Variants in UFL1 observed in about 807,000 individuals in gnomAD.
UFL1 encodes E3 UFM1-protein ligase 1.
A neutral mutation model predicts 99.3 loss-of-function variants in UFL1; 78 were observed. The ratio of observed to expected loss-of-function variants is 0.79; its 90% CI spans 0.65 to 0.95. UFL1 has a LOEUF of 0.95. Ranked by LOEUF, UFL1 falls within the 40% of genes least tolerant of loss-of-function variation. The pLI is 0.00. For missense variants in UFL1, 936 were observed against 937.0 expected (o/e 1.00, Z 0.01); for synonymous variants, 335 against 322.2 (o/e 1.04, Z -0.42).
chr6:96,537,114 G>A (rs919936301), intron 8 of UFL1, among the ~76,000 whole-genome samples: 12 of 151,526 alleles, frequency 7.9e-5, no homozygotes, highest in South Asian at 6.2e-4. Context: ...TAATTTAAAC[G>A]TATGGTAGAA....
Position 96,551,871 on chromosome 6 carries a change from G to T in UFL1, c.1933G>T (p.Ala645Ser). 2.5e-6 allele frequency: 4 copies of T among 1,608,740 alleles called. No individual in the cohort carries two copies. The highest frequency in any genetic ancestry group is 3.4e-6 in the Non-Finnish European group (4 of 1,177,008). Residue 645 changes from alanine (A) to serine (S), a missense_variant, in exon 17 of 19, where the codon GCA becomes TCA. By Grantham distance (99) the Ala-to-Ser change is moderately conservative. Transcript: ENST00000369278. ...AGACTTTATTTCTTGTCTGGATTCT[G>T]CAGCAGAAGCTTGTGATATTATGGT... Reference protein sequence around the residue: ...IEDFISCLDSAAEACDIMVKR... With the variant: ...IEDFISCLDSSAEACDIMVKR...
rs577459059 is a variant in UFL1 at position 96,538,647 on chromosome 6, C to G, written c.995C>G (p.Ser332Cys). The change falls in exon 10 of 19, where the codon TCT becomes TGT. Residue 332 changes from serine to cysteine, a missense_variant. Physicochemically the swap from Ser to Cys is moderately radical, Grantham distance 112 (BLOSUM62 -1). Transcript: ENST00000369278. ...WVDIAPLLPTSLSVEDAAILL... is the reference protein window; with the variant it reads ...WVDIAPLLPTCLSVEDAAILL... ...TAATTCTAGCCTCTGCTACCCACTTCTTTATCAGTTGAAGATGCTGCCATA... is the reference window on the plus strand; with the variant it reads ...TAATTCTAGCCTCTGCTACCCACTTGTTTATCAGTTGAAGATGCTGCCATA... The G allele has an allele frequency of 9.9e-6, 16 of 1,610,878 alleles. No individual in the cohort carries two copies. In the East Asian group the frequency reaches 3.1e-4, roughly 31 times the overall value.
chr6:96,527,610 A>G (rs1043692523), intron 5 of UFL1, among the ~76,000 whole-genome samples: 1 of 152,158 alleles, frequency 6.6e-6, no homozygotes, highest in Non-Finnish European at 1.5e-5. Context: ...AGGAGCTGAA[A>G]TTATATTTTA....
intron 3 of UFL1, 57 bp downstream of exon 3, chr6:96,524,467 A>C: frequency 7.3e-7 from 1 of 1,373,052 alleles, no homozygotes; most frequent in Non-Finnish European, 1.0e-6. Flanking sequence ...TGATACTGTG[A>C]ATTTGTTCAA....
intron 5 of UFL1, 144 bp from the exon 6 acceptor site, chr6:96,528,358 A>G (rs1338766861): frequency 6.4e-6 from 6 of 942,836 alleles, no homozygotes; most frequent in South Asian, 4.5e-5. Context: ...TTTAGTTGAT[A>G]TATCTTGTAA....
rs777834765 is a variant in UFL1, at chr6:96,538,652, TCAGTTGAAGATGCTGC to T, written c.1003_1018del (p.Val335TyrfsTer6). ...CTAGCCTCTGCTACCCACTTCTTTA[TCAGTTGAAGATGCTGC>T]CATATTGCTTCAGCAGGTGATGAGG... On this transcript the variant is annotated frameshift_variant, in exon 10 of 19. Transcript: ENST00000369278. LOFTEE classifies it high-confidence loss of function. The T allele has an allele frequency of 4.8e-5, 77 of 1,610,930 alleles. No individual in the cohort carries two copies. Among genetic ancestry groups the T allele is most frequent in the Non-Finnish European group, 6.5e-5 (76 of 1,178,080 alleles).
rs1018995154 is a variant in UFL1, at chr6:96,541,312, A to C, written c.1279+657A>C. On this transcript the variant is annotated intron_variant, in intron 11 of 18. Transcript: ENST00000369278. ...TATAAACATACTAATTAAATGAAAA[A>C]ATTTCTGAAGGACATATTTTTACAT... Among the ~76,000 whole-genome samples, 7 of 151,538 alleles carry C rather than the reference A, an allele frequency of 4.6e-5. 1 individual carries two copies. Among genetic ancestry groups the C allele is most frequent in the African/African-American group, 1.4e-4 (6 of 41,454 alleles).
At chr6:96,528,419 G>GTA in intron 5 of UFL1, 83 bp from the exon 6 acceptor site, 3 of 1,478,160 alleles carry the variant, frequency 2.0e-6, no homozygotes, top group South Asian at 2.7e-5. Flanking sequence ...TCAGCATGCA[G>GTA]CATGACTTGA....
rs758177833 is a variant in UFL1, at chr6:96,542,912, G to A, written c.1298G>A (p.Arg433Lys). The change falls in exon 12 of 19, where the codon AGA (arginine) becomes AAA (lysine). Residue 433 changes from arginine (R) to lysine (K), a missense_variant. Physicochemically the swap from Arg to Lys is conservative, Grantham distance 26. Coordinates refer to ENST00000369278, the MANE Select transcript of UFL1 (RefSeq NM_015323.5). ...RKATEGSGSM[R>K]GGGGGNAREY... ...CCACCAGAGGGCAGTGGAAGCATGAGAGGAGGAGGTGGGGGCAATGCCAGA... is the reference window on the plus strand; with the variant it reads ...CCACCAGAGGGCAGTGGAAGCATGAAAGGAGGAGGTGGGGGCAATGCCAGA... The A allele has an allele frequency of 1.9e-5, 31 of 1,594,880 alleles. No homozygotes were observed. Among genetic ancestry groups the A allele is most frequent in the Admixed American group, 5.3e-5 (3 of 57,054 alleles).
intron 11 of UFL1, among the ~76,000 whole-genome samples, chr6:96,541,877 T>C (rs1167603706): frequency 6.6e-6 from 1 of 151,186 alleles, no homozygotes; most frequent in Non-Finnish European, 1.5e-5. Flanking sequence ...TTGTCAAATA[T>C]AAAAAGCATG....
Position 96,553,341 on chromosome 6 carries a change from T to G in UFL1, c.2223T>G (p.Ser741Arg). Reference protein sequence around the residue: ...YQGLVVKQLVSQSKKTGQGDY... With the variant: ...YQGLVVKQLVRQSKKTGQGDY... ...GTTTGGTTGTAAAGCAGCTAGTCAG[T>G]CAAAGTAAGAAGACTGGGCAGGGAG... is the stretch of plus-strand genomic sequence containing the variant. The change falls in exon 19 of 19, where the codon AGT becomes AGG. Residue 741 changes from serine (S) to arginine (R), a missense_variant. Coordinates refer to ENST00000369278, the MANE Select transcript of UFL1 (RefSeq NM_015323.5). The G allele has an allele frequency of 6.2e-7, 1 of 1,613,796 alleles. No individual in the cohort carries two copies. The highest frequency in any genetic ancestry group is 8.5e-7 in the Non-Finnish European group (1 of 1,179,802).
In UFL1 at chr6:96,549,572, T is replaced by C; in HGVS notation, c.1681T>C (p.Phe561Leu). ...GTTATTTGAAAAAGGGATGAAGTTT[T>C]TTGCAGGTATACTTAATCTTTGTTA... ...IRLFEKGMKF[F>L]ADDTQAALTK... Residue 561 changes from phenylalanine (F) to leucine (L), a missense_variant, in exon 14 of 19, where the codon TTT (phenylalanine) becomes CTT (leucine). Transcript: ENST00000369278. The C allele has an allele frequency of 6.3e-7, 1 of 1,595,446 alleles. No homozygotes were observed. Among genetic ancestry groups the C allele is most frequent in the Non-Finnish European group, 8.5e-7 (1 of 1,173,042 alleles).
intron 1 of UFL1, 28 bp from the exon 2 acceptor site, chr6:96,523,118 T>C (rs1374108079): frequency 1.9e-6 from 3 of 1,577,224 alleles, no homozygotes; most frequent in East Asian, 2.3e-5. Flanking sequence ...AAGTGGACTT[T>C]TGAAACAACT....
At chr6:96,522,974 A>T in intron 1 of UFL1, 172 bp from the exon 2 acceptor site, 1 of 520,578 alleles carries the variant, frequency 1.9e-6, no homozygotes, top group Non-Finnish European at 3.1e-6. Context: ...ACTTACTCTG[A>T]AAGGTTTTTT....
chr6:96,523,961 G>C (rs1387933502), intron 2 of UFL1, among the ~76,000 whole-genome samples: 5 of 151,646 alleles, frequency 3.3e-5, no homozygotes, highest in African/African-American at 1.2e-4. Context: ...GCTATAATTT[G>C]AATTACTTAA....
rs752510619 is a variant in UFL1, at chr6:96,553,303, G to A, written c.2185G>A (p.Val729Ile). 127 of 1,613,178 alleles carry A rather than the reference G, an allele frequency of 7.9e-5. No individual in the cohort carries two copies. The highest frequency in any genetic ancestry group is 9.9e-5 in the Non-Finnish European group (117 of 1,179,650). Reference protein sequence around the residue: ...KIPEDQHALLVKYQGLVVKQL... With the variant: ...KIPEDQHALLIKYQGLVVKQL... ...TTCACAGGATCAGCATGCTCTTTTG[G>A]TAAAGTATCAAGGTTTGGTTGTAAA... Residue 729 changes from valine (V) to isoleucine (I), a missense_variant, in exon 19 of 19, where the codon GTA becomes ATA. Transcript: ENST00000369278.
chr6:96,546,140 T>A (rs55662452), intron 12 of UFL1, among the ~76,000 whole-genome samples: 11,186 of 151,254 alleles, frequency 0.074, 594 homozygotes, highest in Non-Finnish European at 0.12. Flanking sequence ...CTCCAAAGAC[T>A]CCTGGTCTTG....
At chr6:96,534,062 T>C (rs1301484451) in intron 6 of UFL1, among the ~76,000 whole-genome samples, 1 of 151,912 alleles carries the variant, frequency 6.6e-6, no homozygotes, top group African/African-American at 2.4e-5. Flanking sequence ...AAACTGATCC[T>C]TGATTGCAAG....
intron 18 of UFL1, 91 bp from the exon 19 acceptor site, chr6:96,553,194 C>G: frequency 4.1e-6 from 5 of 1,208,488 alleles, no homozygotes; most frequent in Non-Finnish European, 5.8e-6. Flanking sequence ...AAGATGAGGA[C>G]CTTCAATGTG....
Sources: allele counts gnomAD v4.1 joint callset (sites outside exome capture counted in the v4.1 genomes callset), GRCh38; gene constraint gnomAD v4.1.1; transcripts MANE v1.5; gene names NCBI Gene and HGNC (gene_info 2026-07-23, HGNC 2026-07-21).